Variants in MAGI2 observed in about 807,000 individuals in gnomAD.
MAGI2 encodes the protein membrane-associated guanylate kinase, WW and PDZ domain-containing protein 2.
In MAGI2, 35 loss-of-function variants were observed where a neutral mutation model predicts 133.3. That is an observed-to-expected ratio of 0.26 (90% CI 0.20 to 0.35). MAGI2 has a LOEUF of 0.35. MAGI2 is among the 10% of genes least tolerant of loss of function. The pLI, the probability that MAGI2 is intolerant of heterozygous loss-of-function variation, is 1.00. For synonymous variants in MAGI2, 729 were observed against 710.6 expected, an observed-to-expected ratio of 1.03 and a Z score of -0.41; for missense variants, 1,636 against 1,863.4, an observed-to-expected ratio of 0.88 and a Z score of 2.25.
rs1341323635 is a variant in MAGI2 at position 78,684,499 on chromosome 7, G to A, written c.419-57260C>T. ...GCAGAACCCAAATAAGGACTCTTTGGGAGCCACTGGTTTTCAGAGTTTCAC... is the reference window on the plus strand; with the variant it reads ...GCAGAACCCAAATAAGGACTCTTTGAGAGCCACTGGTTTTCAGAGTTTCAC... On this transcript the variant is annotated intron_variant, in intron 2 of 21. Transcript: ENST00000354212. Among the ~76,000 whole-genome samples the A allele has an allele frequency of 2.0e-5, 3 of 152,136 alleles. No individual in the cohort carries two copies. The East Asian group carries it at 5.8e-4, about 29-fold the overall frequency.
At chr7:78,731,077 A>T (rs1821326908) in intron 2 of MAGI2, among the ~76,000 whole-genome samples, 1 of 151,960 alleles carries the variant, frequency 6.6e-6, no homozygotes. Flanking sequence ...TCTACAATCC[A>T]TTTTCTCTTT....
chr7:78,348,002 C>T (rs1433051522), intron 7 of MAGI2, among the ~76,000 whole-genome samples: 1 of 152,216 alleles, frequency 6.6e-6, no homozygotes, highest in Non-Finnish European at 1.5e-5. Flanking sequence ...TGTTACATAA[C>T]TTCCTTACCA....
chr7:78,226,941 C>T (rs1034522276), intron 10 of MAGI2, among the ~76,000 whole-genome samples: 2 of 152,098 alleles, frequency 1.3e-5, no homozygotes, highest in Non-Finnish European at 2.9e-5. Context: ...AGGGTTGGGA[C>T]ATGCATGATT....
chr7:78,428,743 T>C (rs1033698938), intron 6 of MAGI2, among the ~76,000 whole-genome samples: 8 of 152,154 alleles, frequency 5.3e-5, no homozygotes, highest in African/African-American at 1.9e-4. Flanking sequence ...TTCTAGCTTA[T>C]TAGTTTCACA....
intron 1 of MAGI2, among the ~76,000 whole-genome samples, chr7:79,095,716 T>C (rs927413715): frequency 2.0e-5 from 3 of 152,178 alleles, no homozygotes; most frequent in Admixed American, 6.5e-5. Context: ...CTGTGGTTTG[T>C]GGCACTCCAA....
chr7:78,589,353 G>A (rs1447878383), intron 3 of MAGI2, among the ~76,000 whole-genome samples: 1 of 152,206 alleles, frequency 6.6e-6, no homozygotes, highest in Non-Finnish European at 1.5e-5. Context: ...TGAACACAGA[G>A]AAGCTAAACA....
At chr7:78,458,795 T>C (rs1034456124) in intron 6 of MAGI2, among the ~76,000 whole-genome samples, 2 of 152,060 alleles carry the variant, frequency 1.3e-5, no homozygotes, top group Admixed American at 6.6e-5. Flanking sequence ...CCACCACGCC[T>C]GGCTAATTTT....
At chr7:78,596,052 T>G (rs1377730966) in intron 3 of MAGI2, among the ~76,000 whole-genome samples, 1 of 152,024 alleles carries the variant, frequency 6.6e-6, no homozygotes, top group Non-Finnish European at 1.5e-5. Flanking sequence ...ATCTTTGTCT[T>G]GTTCACTGTT....
At chr7:78,748,668 C>T (rs1823159505) in intron 2 of MAGI2, among the ~76,000 whole-genome samples, 2 of 149,550 alleles carry the variant, frequency 1.3e-5, no homozygotes, top group African/African-American at 4.9e-5. Context: ...GGCACAAATG[C>T]TTTGAAAGAA....
chr7:79,002,392 C>T (rs80183442), intron 2 of MAGI2, among the ~76,000 whole-genome samples: 7,685 of 151,930 alleles, frequency 0.051, 445 homozygotes, highest in East Asian at 0.19. Context: ...TCCTAAGGAT[C>T]TTTTCCTTAG....
At chr7:78,340,805 C>T (rs941549173) in intron 9 of MAGI2, among the ~76,000 whole-genome samples, 1 of 152,090 alleles carries the variant, frequency 6.6e-6, no homozygotes, top group Admixed American at 6.6e-5. Context: ...TGGAACATAT[C>T]TCAAAATAAT....
chr7:78,536,149 G>T (rs1327990889), intron 3 of MAGI2, among the ~76,000 whole-genome samples: 1 of 97,092 alleles, frequency 1.0e-5, no homozygotes, highest in Non-Finnish European at 1.9e-5. Flanking sequence ...GTCTCGCTCT[G>T]TCGCCCAGGC....
At chr7:78,570,515 A>C (rs1391749119) in intron 3 of MAGI2, among the ~76,000 whole-genome samples, 1 of 152,164 alleles carries the variant, frequency 6.6e-6, no homozygotes, top group Non-Finnish European at 1.5e-5. Context: ...CTTTAATGCA[A>C]GTTCTCAGAT....
intron 1 of MAGI2, among the ~76,000 whole-genome samples, chr7:79,405,694 C>G (rs557825291): frequency 1.3e-5 from 2 of 152,142 alleles, no homozygotes; most frequent in African/African-American, 4.8e-5. Context: ...GGACCTGAAG[C>G]AAATTAAAAA....
intron 21 of MAGI2, among the ~76,000 whole-genome samples, chr7:78,048,726 A>G (rs1315365370): frequency 6.6e-6 from 1 of 152,194 alleles, no homozygotes; most frequent in Non-Finnish European, 1.5e-5. Flanking sequence ...ATAAGCCTGA[A>G]ACATAAGCAG....
intron 2 of MAGI2, among the ~76,000 whole-genome samples, chr7:78,638,355 A>T (rs1443430796): frequency 1.3e-5 from 2 of 152,220 alleles, no homozygotes; most frequent in Non-Finnish European, 2.9e-5. Flanking sequence ...AATCATCACT[A>T]CATTGGAAAC....
At chr7:79,361,342 G>A (rs1842364645) in intron 1 of MAGI2, among the ~76,000 whole-genome samples, 1 of 152,074 alleles carries the variant, frequency 6.6e-6, no homozygotes, top group Admixed American at 6.6e-5. Context: ...AAGGAGGGAA[G>A]GGAAGAGTGT....
intron 1 of MAGI2, among the ~76,000 whole-genome samples, chr7:79,356,041 C>T (rs73157803): frequency 0.15 from 22,092 of 152,010 alleles, 1,710 homozygotes; most frequent in South Asian, 0.25. Flanking sequence ...ATAAAAATGT[C>T]CATACATACA....
chr7:78,470,077 C>T (rs979251601), intron 6 of MAGI2, among the ~76,000 whole-genome samples: 3 of 152,126 alleles, frequency 2.0e-5, no homozygotes, highest in Admixed American at 6.6e-5. Context: ...TGAAAGACTC[C>T]AGTCATGCAT....
Sources: gnomAD v4.1 joint callset for allele counts (sites outside exome capture counted in the v4.1 genomes callset) on GRCh38, gnomAD v4.1.1 for gene constraint, MANE v1.5 for transcripts, NCBI Gene and HGNC (gene_info 2026-07-23, HGNC 2026-07-21) for gene names.